Variants in COL12A1 observed in about 807,000 individuals in gnomAD.
COL12A1 encodes the protein collagen alpha-1(XII) chain.
COL12A1 carries 114 observed loss-of-function variants against 349.7 expected under a neutral mutation model. The observed-to-expected ratio is 0.33, with a 90% confidence interval of 0.28 to 0.38. The LOEUF is 0.38. COL12A1 is among the 10% of genes least tolerant of loss of function. COL12A1 has a pLI of 1.00. For missense variants in COL12A1, 3,284 were observed against 3,756.9 expected, an observed-to-expected ratio of 0.87 and a Z score of 3.29; for synonymous variants, 1,369 against 1,329.0, an observed-to-expected ratio of 1.03 and a Z score of -0.66.
At chr6:75,112,621 C>A (rs1228680373) in intron 51 of COL12A1, among the ~76,000 whole-genome samples, 1 of 151,564 alleles carries the variant, frequency 6.6e-6, no homozygotes, top group African/African-American at 2.4e-5. Flanking sequence ...ATAAGATTTT[C>A]TAGAGAATTG....
chr6:75,120,060 C>T (rs905367066), intron 44 of COL12A1, among the ~76,000 whole-genome samples: 2 of 152,082 alleles, frequency 1.3e-5, no homozygotes, highest in Non-Finnish European at 2.9e-5. Context: ...ATGAGGATAA[C>T]TATACTTACC....
At chr6:75,171,697 T>C (rs2149446835) in intron 13 of COL12A1, among the ~76,000 whole-genome samples, 1 of 152,312 alleles carries the variant, frequency 6.6e-6, no homozygotes, top group Admixed American at 6.5e-5. Flanking sequence ...CCTGGCTCTG[T>C]TTCTGGGCTT....
At chr6:75,195,181 A>T (rs1376155780) in intron 2 of COL12A1, among the ~76,000 whole-genome samples, 1 of 152,214 alleles carries the variant, frequency 6.6e-6, no homozygotes. Flanking sequence ...TTGAGTTGCT[A>T]GGTCATTCAA....
At chr6:75,129,399 A>G (rs866252899) in intron 37 of COL12A1, among the ~76,000 whole-genome samples, 1 of 152,238 alleles carries the variant, frequency 6.6e-6, no homozygotes, top group African/African-American at 2.4e-5. Context: ...CTAATTTACC[A>G]TCAACATCTT....
chr6:75,179,259 A>G (rs539378646), intron 11 of COL12A1, among the ~76,000 whole-genome samples: 7 of 152,336 alleles, frequency 4.6e-5, no homozygotes, highest in Middle Eastern at 3.4e-3. Flanking sequence ...TAGTAGACCA[A>G]TGACCAAAAA....
At chr6:75,154,052 C>T (rs1370818783) in intron 17 of COL12A1, among the ~76,000 whole-genome samples, 1 of 151,620 alleles carries the variant, frequency 6.6e-6, no homozygotes, top group Non-Finnish European at 1.5e-5. Flanking sequence ...TATTTAAATG[C>T]ATTAATAAAT....
At chr6:75,137,297 A>G (rs1766663625) in intron 31 of COL12A1, 140 bp downstream of exon 31, 3 of 745,710 alleles carry the variant, frequency 4.0e-6, no homozygotes, top group Admixed American at 6.2e-5. Flanking sequence ...CCAGCTAAAG[A>G]GTCAGATTAT....
At chr6:75,127,016 G>A (rs1766055295) in intron 38 of COL12A1, among the ~76,000 whole-genome samples, 1 of 152,104 alleles carries the variant, frequency 6.6e-6, no homozygotes, top group African/African-American at 2.4e-5. Flanking sequence ...ATGCTGTTCA[G>A]GTAGTATGTT....
chr6:75,119,568 G>C, intron 44 of COL12A1, 95 bp from the exon 45 acceptor site: 1 of 1,423,070 alleles, frequency 7.0e-7, no homozygotes, highest in South Asian at 1.5e-5. Context: ...AAGCGGTGGG[G>C]GTGTAAAAAG....
chr6:75,137,022 G>T lies in COL12A1; in HGVS notation c.5394+415C>A, dbSNP rs1766644101. 2.0e-5 allele frequency among the ~76,000 whole-genome samples: 3 copies of T among 152,230 alleles called. No homozygotes were observed. The South Asian group carries it at 6.2e-4, about 32-fold the overall frequency. On this transcript the variant is annotated intron_variant, in intron 31 of 65. Transcript: ENST00000322507. ...CCCTATGACATGCAAAAAACAGGGG[G>T]AAATGAGATAAATAGAAAATAAACA... is the stretch of plus-strand genomic sequence containing the variant.
chr6:75,138,870 A>G lies in COL12A1; in HGVS notation c.5049T>C (p.Ser1683=). 1 of 1,614,136 alleles carries G rather than the reference A, an allele frequency of 6.2e-7. No homozygotes were observed. Among genetic ancestry groups the G allele is most frequent in the Non-Finnish European group, 8.5e-7 (1 of 1,179,974 alleles). The change falls in exon 28 of 66, where the codon TCT becomes TCC. Residue 1683 remains serine (S), a synonymous_variant. Transcript: ENST00000322507. ...GTWDHGASDV[S]LYRITWAPFG... ...AAGGTGCCCAAGTTATTCTGTAGAGAGACACATCTGAAGCTCCATGATCCC... is the reference window on the plus strand; with the variant it reads ...AAGGTGCCCAAGTTATTCTGTAGAGGGACACATCTGAAGCTCCATGATCCC...
At position 75,106,011 on chromosome 6, in the gene COL12A1, G is replaced by A. The variant is rs189498619; in HGVS notation, c.8178+408C>T. On this transcript the variant is annotated intron_variant, in intron 53 of 65. Transcript: ENST00000322507. ...CTTTGTAACTATTACCACCTACATA[G>A]ATACTATTAAAGAAAAGTCATCATC... Among the ~76,000 whole-genome samples, 379 of 152,226 alleles carry A rather than the reference G, an allele frequency of 2.5e-3. 4 individuals carry two copies. Among genetic ancestry groups the A allele is most frequent in the Non-Finnish European group, 8.8e-4 (60 of 68,018 alleles).
chr6:75,107,767 A>G (rs1768638739), intron 52 of COL12A1, among the ~76,000 whole-genome samples: 1 of 152,192 alleles, frequency 6.6e-6, no homozygotes, highest in Admixed American at 6.5e-5. Flanking sequence ...TTAAAAATAA[A>G]CCACTTTTGA....
intron 1 of COL12A1, among the ~76,000 whole-genome samples, chr6:75,205,024 G>C (rs1205650360): frequency 2.0e-5 from 3 of 151,950 alleles, no homozygotes; most frequent in South Asian, 4.2e-4. Context: ...TGTTCCGCTC[G>C]CTGAACGAGT....
rs999182339 is a variant in COL12A1 at position 75,085,425 on chromosome 6, G to A, written c.*1122C>T. 2.2e-5 allele frequency: 3 copies of A among 136,742 alleles called. No homozygotes were observed. Among genetic ancestry groups the A allele is most frequent in the South Asian group, 1.3e-4 (1 of 7,812 alleles). 8.5% of individuals were successfully genotyped at this position (136,742 alleles called of 1,614,324 possible). On this transcript the variant is annotated 3_prime_UTR_variant, in exon 66 of 66. Transcript: ENST00000322507. ...TGGAAGGCACACACACACACACACAGCAAAAGCTAAATCATCACCCGCGGT... is the reference window on the plus strand; with the variant it reads ...TGGAAGGCACACACACACACACACAACAAAAGCTAAATCATCACCCGCGGT...
chr6:75,131,276 A>C (rs1361656464), intron 35 of COL12A1, among the ~76,000 whole-genome samples: 2 of 152,188 alleles, frequency 1.3e-5, no homozygotes, highest in African/African-American at 4.8e-5. Flanking sequence ...ATATTTCCCC[A>C]AAAAACATCC....
At chr6:75,141,199 A>G (rs773069219) in intron 27 of COL12A1, among the ~76,000 whole-genome samples, 28 of 152,276 alleles carry the variant, frequency 1.8e-4, no homozygotes, top group Admixed American at 8.5e-4. Flanking sequence ...CTAGGCCTCA[A>G]TGTTTTTTTT....
Position 75,138,122 on chromosome 6 carries a change from C to A in COL12A1, c.5251+198G>T, listed in dbSNP as rs553315206. On this transcript the variant is annotated intron_variant, in intron 30 of 65. Coordinates refer to ENST00000322507, the MANE Select transcript of COL12A1 (RefSeq NM_004370.6). ...CAGTCTAATCTTTTGTTATGGCACCCCAAGCTGATCAATACACTCCAAAAC... is the reference window on the plus strand; with the variant it reads ...CAGTCTAATCTTTTGTTATGGCACCACAAGCTGATCAATACACTCCAAAAC... Among the ~76,000 whole-genome samples, 6 of 152,030 alleles carry A rather than the reference C, an allele frequency of 3.9e-5. 1 individual carries two copies. The South Asian group carries it at 1.0e-3, about 26-fold the overall frequency.
At chr6:75,137,997 A>T (rs1010235913) in intron 30 of COL12A1, among the ~76,000 whole-genome samples, 12 of 151,990 alleles carry the variant, frequency 7.9e-5, no homozygotes, top group Admixed American at 3.9e-4. Flanking sequence ...ATAAGCTGGG[A>T]GGAAAGCCAC....
Sources: gnomAD v4.1 joint callset for allele counts (sites outside exome capture counted in the v4.1 genomes callset) on GRCh38, gnomAD v4.1.1 for gene constraint, MANE v1.5 for transcripts, NCBI Gene and HGNC (gene_info 2026-07-23, HGNC 2026-07-21) for gene names.